Variants in PCDHA10 observed in about 807,000 individuals in gnomAD.
PCDHA10 encodes the protein protocadherin alpha 10.
Under a neutral mutation model 61.2 loss-of-function variants are expected in PCDHA10, and 45 were observed. The ratio of observed to expected loss-of-function variants is 0.74; its 90% confidence interval spans 0.58 to 0.94. The LOEUF (loss-of-function observed/expected upper bound fraction) is 0.94. Ranked by LOEUF, PCDHA10 falls within the 40% of genes least tolerant of loss-of-function variation. PCDHA10 has a pLI of 0.00. For missense variants in PCDHA10, 1,278 were observed against 1,236.2 expected (o/e 1.03, Z -0.51); for synonymous variants, 602 against 548.8 (o/e 1.10, Z -1.35).
intron 1 of PCDHA10, among the ~76,000 whole-genome samples, chr5:140,914,386 G>A (rs565819670): frequency 2.6e-5 from 4 of 152,216 alleles, no homozygotes; most frequent in East Asian, 1.9e-4. Flanking sequence ...TGTTATAAGT[G>A]TAGTTACCCC....
intron 2 of PCDHA10, among the ~76,000 whole-genome samples, chr5:140,980,472 A>G (rs782408123): frequency 6.6e-6 from 1 of 152,210 alleles, no homozygotes; most frequent in Non-Finnish European, 1.5e-5. Context: ...TCTACTAAAA[A>G]TACAAAAATT....
Position 140,956,847 on chromosome 5 carries a change from T to G in PCDHA10, c.2389-22102T>G, listed in dbSNP as rs138847680. Among the ~76,000 whole-genome samples the G allele has an allele frequency of 1.6e-4, 24 of 152,262 alleles. 1 individual carries two copies. The East Asian group carries it at 4.6e-3, about 29-fold the overall frequency. ...AATTTAATATTTTTAAATCTTGGGT[T>G]AAATGGTTGAATGAATGTGTGAAAA... On this transcript the variant is annotated intron_variant, in intron 1 of 3. Transcript: ENST00000307360.
intron 1 of PCDHA10, chr5:140,871,356 G>A (rs368141967): frequency 1.0e-4 from 163 of 1,614,090 alleles, no homozygotes; most frequent in Non-Finnish European, 1.3e-4. Context: ...CATACTCGCA[G>A]CAGAGGCGGC....
intron 1 of PCDHA10, among the ~76,000 whole-genome samples, chr5:140,959,052 A>C (rs992294371): frequency 3.3e-5 from 5 of 152,078 alleles, no homozygotes; most frequent in Admixed American, 6.6e-5. Context: ...ATAGGAAAAA[A>C]TGCAGTATAT....
At chr5:140,924,318 G>A (rs550515387) in intron 1 of PCDHA10, among the ~76,000 whole-genome samples, 1 of 152,164 alleles carries the variant, frequency 6.6e-6, no homozygotes, top group East Asian at 1.9e-4. Context: ...AATTTTATCT[G>A]AGACTTGGTG....
intron 1 of PCDHA10, among the ~76,000 whole-genome samples, chr5:140,950,786 T>A (rs890329662): frequency 6.6e-6 from 1 of 152,140 alleles, no homozygotes; most frequent in Non-Finnish European, 1.5e-5. Context: ...TGGTACTTTT[T>A]AAATATTGTC....
chr5:140,871,436 G>A, intron 1 of PCDHA10: 1 of 1,612,324 alleles, frequency 6.2e-7, no homozygotes, highest in East Asian at 2.2e-5. Context: ...CTTCCTCTAG[G>A]TCTGAATAAA....
rs1280903830 is a variant in PCDHA10, at chr5:140,927,541, G to T, written c.2389-51408G>T. 4 of 1,613,996 alleles carry T rather than the reference G, an allele frequency of 2.5e-6. No homozygotes were observed. The East Asian group carries it at 6.7e-5, about 27-fold the overall frequency. On this transcript the variant is annotated intron_variant, in intron 1 of 3. Coordinates refer to ENST00000307360, the MANE Select transcript of PCDHA10 (RefSeq NM_018901.4). ...CGGGCTACCTGCCCGCTCAGGAGAC[G>T]CACAAGTCACCATCATTGTGGTGGA...
At chr5:140,945,440 T>C (rs932464631) in intron 1 of PCDHA10, among the ~76,000 whole-genome samples, 1 of 151,948 alleles carries the variant, frequency 6.6e-6, no homozygotes, top group African/African-American at 2.4e-5. Context: ...TACAGAAATA[T>C]AAAAAACTTC....
chr5:140,871,061 A>T, intron 1 of PCDHA10: 1 of 1,613,200 alleles, frequency 6.2e-7, no homozygotes, highest in South Asian at 1.1e-5. Flanking sequence ...GTGAAGGATC[A>T]CGGTGAGCCG....
At chr5:140,893,066 A>G (rs1221245824) in intron 1 of PCDHA10, among the ~76,000 whole-genome samples, 1 of 152,248 alleles carries the variant, frequency 6.6e-6, no homozygotes, top group Admixed American at 6.5e-5. Flanking sequence ...ACTGCCATGA[A>G]TAACAGGATT....
In PCDHA10 at chr5:140,857,669, G is replaced by T. The variant is rs926570494; in HGVS notation, c.1621G>T (p.Val541Leu). Reference protein sequence around the residue: ...QFQVSARDGGVPPLGSNLTLQ... With the variant: ...QFQVSARDGGLPPLGSNLTLQ... Reference sequence around the variant, plus strand: ...CCAGGTGAGCGCGCGCGATGGGGGCGTGCCGCCTCTGGGCAGCAACTTGAC... The same window carrying T: ...CCAGGTGAGCGCGCGCGATGGGGGCTTGCCGCCTCTGGGCAGCAACTTGAC... The change falls in exon 1 of 4, where the codon GTG (valine) becomes TTG (leucine). Residue 541 changes from valine (V) to leucine (L), a missense_variant. By Grantham distance (32) the Val-to-Leu change is conservative. Coordinates refer to ENST00000307360, the MANE Select transcript of PCDHA10 (RefSeq NM_018901.4). 8 of 1,596,800 alleles carry T rather than the reference G, an allele frequency of 5.0e-6. No individual in the cohort carries two copies. Among genetic ancestry groups the T allele is most frequent in the East Asian group, 2.2e-5 (1 of 44,814 alleles).
intron 1 of PCDHA10, among the ~76,000 whole-genome samples, chr5:140,875,029 T>C (rs1288139866): frequency 6.6e-6 from 1 of 152,256 alleles, no homozygotes; most frequent in Non-Finnish European, 1.5e-5. Flanking sequence ...TGGCCTACTG[T>C]ATTTGAAAGA....
At chr5:140,892,144 G>A (rs549500463) in intron 1 of PCDHA10, among the ~76,000 whole-genome samples, 45 of 152,220 alleles carry the variant, frequency 3.0e-4, no homozygotes, top group African/African-American at 1.1e-3. Context: ...TGGTTTTAGC[G>A]TCTATTTCTG....
intron 1 of PCDHA10, among the ~76,000 whole-genome samples, chr5:140,897,805 A>G (rs1216400632): frequency 6.6e-6 from 1 of 152,172 alleles, no homozygotes; most frequent in Non-Finnish European, 1.5e-5. Context: ...AGTCCCACCA[A>G]CAGTGTAAAA....
chr5:140,982,998 GAAAGAA>G (rs1469608645), intron 3 of PCDHA10, among the ~76,000 whole-genome samples: 10 of 151,726 alleles, frequency 6.6e-5, no homozygotes, highest in Admixed American at 5.2e-4. Context: ...AAGAAGGAAA[GAAAGAA>G]AAAGGAAGGA....
intron 3 of PCDHA10, among the ~76,000 whole-genome samples, chr5:140,990,425 T>G (rs1268987059): frequency 6.6e-6 from 1 of 152,214 alleles, no homozygotes; most frequent in Non-Finnish European, 1.5e-5. Context: ...CAACCAGCAT[T>G]GACCCAATCT....
intron 1 of PCDHA10, among the ~76,000 whole-genome samples, chr5:140,890,076 C>G (rs2062479072): frequency 6.6e-6 from 1 of 152,150 alleles, no homozygotes. Flanking sequence ...CTTATGAGAA[C>G]TGATAATGCA....
intron 1 of PCDHA10, among the ~76,000 whole-genome samples, chr5:140,949,594 G>C (rs914390039): frequency 6.6e-6 from 1 of 151,450 alleles, no homozygotes; most frequent in African/African-American, 2.4e-5. Context: ...ATATTAATGT[G>C]GCCATTCTAG....
Sources: gnomAD v4.1 joint callset for allele counts (sites outside exome capture counted in the v4.1 genomes callset) on GRCh38, gnomAD v4.1.1 for gene constraint, MANE v1.5 for transcripts, NCBI Gene and HGNC (gene_info 2026-07-23, HGNC 2026-07-21) for gene names.